The following LAMB2 variants were observed in gnomAD, a reference collection of about 807,000 sequenced individuals.
The protein encoded by LAMB2 is laminin subunit beta 2.
A neutral mutation model predicts 202.7 loss-of-function variants in LAMB2; 119 were observed. The ratio of observed to expected loss-of-function variants is 0.59; its 90% CI spans 0.51 to 0.68. The LOEUF (loss-of-function observed/expected upper bound fraction) is 0.68, where lower values mean the gene tolerates loss of function less well. Ranked by LOEUF, LAMB2 falls within the 30% of genes least tolerant of loss-of-function variation. The pLI, the probability that LAMB2 is intolerant of heterozygous loss-of-function variation, is 0.00. For missense variants in LAMB2, 2,124 were observed against 2,410.6 expected (o/e 0.88, Z 2.49); for synonymous variants, 818 against 902.2 (o/e 0.91, Z 1.67).
At chr3:49,121,637 C>T (rs760106627) in intron 30 of LAMB2, 45 bp from the exon 31 acceptor site, 2 of 1,613,858 alleles carry the variant, frequency 1.2e-6, no homozygotes, top group African/African-American at 1.3e-5. Context: ...TCAGTGGAGG[C>T]CCATCTTCCA....
rs367671665 is a variant in LAMB2 at position 49,122,253 on chromosome 3, C to T, written c.4691G>A (p.Arg1564Gln). 50 of 1,613,350 alleles carry T rather than the reference C, an allele frequency of 3.1e-5. No homozygotes were observed. In the South Asian group the frequency reaches 3.3e-4, roughly 11 times the overall value. ...GATCGCATCCACATCTGCCAGGCTC[C>T]GGACTCGCTCTGCAATCGCACCCGC... ...HLAGAIAERV[R>Q]SLADVDAILA... The change falls in exon 28 of 32, where the codon CGG (arginine) becomes CAG (glutamine). Residue 1564 changes from arginine to glutamine, a missense_variant. Around this residue, in one of 3 missense-constraint regions of LAMB2, gnomAD observed 1,702 missense variants for 1,896.3 expected, o/e 0.90. Transcript: ENST00000305544.
In LAMB2 at chr3:49,122,004, G is replaced by A. The variant is rs753340192; in HGVS notation, c.4863C>T (p.Ala1621=). 2 of 1,613,832 alleles carry A rather than the reference G, an allele frequency of 1.2e-6. No homozygotes were observed. Among genetic ancestry groups the A allele is most frequent in the South Asian group, 2.2e-5 (2 of 91,090 alleles). ...CCACTGCCCCCCGGATGGCACCCTGGGCAATACCCTGTGCCCGCTGGGCCT... is the reference window on the plus strand; with the variant it reads ...CCACTGCCCCCCGGATGGCACCCTGAGCAATACCCTGTGCCCGCTGGGCCT... ...LEEAQRAQGI[A]QGAIRGAVAD... The change falls in exon 29 of 32, where the codon GCC becomes GCT. Residue 1621 remains alanine (A), a synonymous_variant. Transcript: ENST00000305544.
intron 15 of LAMB2, among the ~76,000 whole-genome samples, chr3:49,127,470 T>TGGGC (rs2045427288): frequency 6.6e-6 from 1 of 151,450 alleles, no homozygotes; most frequent in African/African-American, 2.4e-5. Flanking sequence ...CCGAGAAAGG[T>TGGGC]GGATCACAAG....
rs1459989226 is a variant in LAMB2 at position 49,131,191 on chromosome 3, C to T, written c.713-39G>A. The T allele has an allele frequency of 6.3e-7, 1 of 1,594,522 alleles. No individual in the cohort carries two copies. Among genetic ancestry groups the T allele is most frequent in the Non-Finnish European group, 8.6e-7 (1 of 1,164,688 alleles). On this transcript the variant is annotated intron_variant, in intron 6 of 31. Transcript: ENST00000305544. The surrounding 1 kb of genome is among the most constrained non-coding windows in gnomAD (Gnocchi z 5.0). ...AGGGGGGCCAACTGACCAGGCAGGC[C>T]CTTGCTGCCCCATGTCCACCCAGGG...
At position 49,130,635 on chromosome 3, in the gene LAMB2, G is replaced by T; in HGVS notation, c.1036+105C>A. On this transcript the variant is annotated intron_variant, in intron 8 of 31. Coordinates refer to ENST00000305544, the MANE Select transcript of LAMB2 (RefSeq NM_002292.4). The surrounding 1 kb of genome is among the most constrained non-coding windows in gnomAD (Gnocchi z 5.0). The stretch of plus-strand genomic sequence containing the variant: ...GGCATCAAGGTCTGCATACTCTTTG[G>T]ATACAGCCTGGGTTTTAGGGGCTTG... The T allele has an allele frequency of 6.4e-7, 1 of 1,556,910 alleles. No homozygotes were observed. Among genetic ancestry groups the T allele is most frequent in the Non-Finnish European group, 8.8e-7 (1 of 1,137,756 alleles).
chr3:49,126,250 C>T (rs2045413717), intron 16 of LAMB2, 91 bp from the exon 17 acceptor site: 1 of 1,602,106 alleles, frequency 6.2e-7, no homozygotes, highest in Admixed American at 1.7e-5. Context: ...ACAAGCCTGC[C>T]CACCCTGGCA....
chr3:49,126,565 C>G, intron 15 of LAMB2, 68 bp from the exon 16 acceptor site: 1 of 1,597,782 alleles, frequency 6.3e-7, no homozygotes, highest in South Asian at 1.1e-5. Context: ...TGGGCCTCCC[C>G]CATCCTTCTC....
chr3:49,128,018 CAAAAAAAA>C (rs1156873652), intron 15 of LAMB2, among the ~76,000 whole-genome samples: 1 of 32,886 alleles, frequency 3.0e-5, no homozygotes, highest in African/African-American at 1.3e-4. Flanking sequence ...GACTCCGTCT[CAAAAAAAA>C]AAAAAAAAAA....
rs748415118 is a variant in LAMB2, at chr3:49,124,211, C to G, written c.3403G>C (p.Asp1135His). Reference sequence around the variant, plus strand: ...TCACCATGGCACTGCAACCCAGGGTCTCCCCAGTGGAGCTCTTGGCACTCA... The same window carrying G: ...TCACCATGGCACTGCAACCCAGGGTGTCCCCAGTGGAGCTCTTGGCACTCA... ...CSECQELHWG[D>H]PGLQCHACDC... Residue 1135 changes from aspartate (D) to histidine (H), a missense_variant, in exon 23 of 32, where the codon GAC becomes CAC. Coordinates refer to ENST00000305544, the MANE Select transcript of LAMB2 (RefSeq NM_002292.4). 12 of 1,614,038 alleles carry G rather than the reference C, an allele frequency of 7.4e-6. No homozygotes were observed. The South Asian group carries it at 1.2e-4, about 16-fold the overall frequency.
In LAMB2 at chr3:49,126,498, C is replaced by A. The variant is rs769567398; in HGVS notation, c.2019-1G>T. The A allele has an allele frequency of 6.2e-7, 1 of 1,613,894 alleles. No individual in the cohort carries two copies. Among genetic ancestry groups the A allele is most frequent in the Admixed American group, 1.7e-5 (1 of 59,992 alleles). On this transcript the variant is annotated splice_acceptor_variant, in intron 15 of 31. Transcript: ENST00000305544. LOFTEE classifies it high-confidence loss of function. ...GACAGGATTAGGAAATATCAAGTAC[C>A]TGGGGGCGAGTGGGGACAGGTGCAG...
intron 27 of LAMB2, 155 bp downstream of exon 27, chr3:49,122,549 G>A (rs1326417179): frequency 2.2e-6 from 2 of 913,164 alleles, no homozygotes; most frequent in East Asian, 2.5e-5. Context: ...ATGGACCTGG[G>A]ACCACATATG....
rs370565848 is a variant in LAMB2 at position 49,129,698 on chromosome 3, C to T, written c.1424G>A (p.Arg475Gln). 14 of 1,613,860 alleles carry T rather than the reference C, an allele frequency of 8.7e-6. No homozygotes were observed. The East Asian group carries it at 1.1e-4, about 13-fold the overall frequency. ...AGGAGTGCTCCCAGGCACTGTGCCC[C>T]GTGCATTACATTGACATCCTGCAGG... ...LGCRRCQCNA[R>Q]GTVPGSTPCD... Residue 475 changes from arginine (R) to glutamine (Q), a missense_variant, in exon 11 of 32, where the codon CGG becomes CAG. By Grantham distance (43) the Arg-to-Gln change is conservative. This residue lies in a region of LAMB2 where 1,702 missense variants were observed against 1,896.3 expected (regional missense o/e 0.90). Transcript: ENST00000305544. The surrounding 1 kb of genome is among the most constrained non-coding windows in gnomAD (Gnocchi z 6.1).
At position 49,130,272 on chromosome 3, in the gene LAMB2, CG is replaced by C; in HGVS notation, c.1183del (p.Arg395ValfsTer102). ...ATCCCGCAGGTCCTTGGTTGGGTCA[CG>C]GTAGAAGAAGGGCCGACAGAGCTCA... Reference protein sequence around the residue: ...HCELCRPFFYRDPTKDLRDPA... With the variant: ...HCELCRPFFYXDPTKDLRDPA... On this transcript the variant is annotated frameshift_variant, in exon 9 of 32. Coordinates refer to ENST00000305544, the MANE Select transcript of LAMB2 (RefSeq NM_002292.4). LOFTEE classifies it high-confidence loss of function. This position sits in a 1 kb window ranked among gnomAD's most constrained non-coding sequence, Gnocchi z 5.0. 6.2e-7 allele frequency: 1 copy of C among 1,614,242 alleles called. No individual in the cohort carries two copies. Among genetic ancestry groups the C allele is most frequent in the Non-Finnish European group, 8.5e-7 (1 of 1,180,056 alleles).
chr3:49,123,088 G>A (rs1272643308), intron 26 of LAMB2, 36 bp from the exon 27 acceptor site: 2 of 1,606,744 alleles, frequency 1.2e-6, no homozygotes, highest in Admixed American at 1.7e-5. Context: ...CCCTGTGAGA[G>A]GAACATCTAC....
rs1196661155 is a variant in LAMB2, at chr3:49,129,966, A to G, written c.1278T>C (p.His426=). 6.2e-7 allele frequency: 1 copy of G among 1,613,786 alleles called. No individual in the cohort carries two copies. Among genetic ancestry groups the G allele is most frequent in the East Asian group, 2.2e-5 (1 of 44,884 alleles). The change falls in exon 10 of 32, where the codon CAT becomes CAC. Residue 426 remains histidine (H), a synonymous_variant. Coordinates refer to ENST00000305544, the MANE Select transcript of LAMB2 (RefSeq NM_002292.4). This position sits in a 1 kb window ranked among gnomAD's most constrained non-coding sequence, Gnocchi z 6.1. ...AGACCAGTCCCAGTGCAGGGTCATC[A>G]TGGGAATCACAGCGACCACCGTCTT... ...GSQDGGRCDS[H]DDPALGLVSG...
intron 27 of LAMB2, 59 bp downstream of exon 27, chr3:49,122,645 A>G (rs891782300): frequency 1.5e-6 from 2 of 1,376,116 alleles, no homozygotes; most frequent in Non-Finnish European, 2.1e-6. Flanking sequence ...AGGGAGATAC[A>G]GACACCGGGA....
At chr3:49,121,633 G>C (rs775041519) in intron 30 of LAMB2, 41 bp from the exon 31 acceptor site, 1 of 1,613,982 alleles carries the variant, frequency 6.2e-7, no homozygotes, top group East Asian at 2.2e-5. Flanking sequence ...TAGCTCAGTG[G>C]AGGCCCATCT....
rs2045459094 is a variant in LAMB2 at position 49,129,573 on chromosome 3, C to T, written c.1518+31G>A. On this transcript the variant is annotated intron_variant, in intron 11 of 31. Transcript: ENST00000305544. This position sits in a 1 kb window ranked among gnomAD's most constrained non-coding sequence, Gnocchi z 6.1. ...CCCTGTGCTCTAAGGACAAATCATG[C>T]CCCTAGAACTCCAGCCCCTTCCAGT... is the stretch of plus-strand genomic sequence containing the variant. 6.5e-7 allele frequency: 1 copy of T among 1,540,566 alleles called. No individual in the cohort carries two copies. Among genetic ancestry groups the T allele is most frequent in the South Asian group, 1.1e-5 (1 of 89,536 alleles).
chr3:49,127,052 C>T (rs2045423508), intron 15 of LAMB2, among the ~76,000 whole-genome samples: 2 of 152,182 alleles, frequency 1.3e-5, no homozygotes, highest in African/African-American at 2.4e-5. Flanking sequence ...AGTGCGTGAC[C>T]TTGGCTCACT....
Sources: allele counts gnomAD v4.1 joint callset (sites outside exome capture counted in the v4.1 genomes callset), GRCh38; gene constraint gnomAD v4.1.1; regional missense constraint gnomAD v4.1.1; non-coding constraint Gnocchi (gnomAD v3.1); transcripts MANE v1.5; gene names NCBI Gene and HGNC (gene_info 2026-07-23, HGNC 2026-07-21).